Variants in ARHGAP26 observed in about 807,000 individuals in gnomAD.
ARHGAP26 encodes the protein rho GTPase-activating protein 26.
In ARHGAP26, 38 loss-of-function variants were observed where a neutral mutation model predicts 104.8. The ratio of observed to expected loss-of-function variants is 0.36; its 90% CI spans 0.28 to 0.48. The LOEUF is 0.48. Ranked by LOEUF, ARHGAP26 falls within the 20% of genes least tolerant of loss-of-function variation. The probability of loss-of-function intolerance (pLI) is 0.99; values close to 1 mark genes in which losing one functional copy is unlikely to be tolerated. For synonymous variants in ARHGAP26, 341 were observed against 340.0 expected, an observed-to-expected ratio of 1.00 and a Z score of -0.03; for missense variants, 704 against 947.9, an observed-to-expected ratio of 0.74 and a Z score of 3.38.
intron 1 of ARHGAP26, among the ~76,000 whole-genome samples, chr5:142,864,647 T>C (rs1203735723): frequency 6.6e-6 from 1 of 152,236 alleles, no homozygotes; most frequent in Non-Finnish European, 1.5e-5. Context: ...TGATTCTCCT[T>C]TCTCCAACCT....
At chr5:142,886,429 G>GA (rs1757710854) in intron 5 of ARHGAP26, among the ~76,000 whole-genome samples, 1 of 152,158 alleles carries the variant, frequency 6.6e-6, no homozygotes, top group African/African-American at 2.4e-5. Context: ...TCTTTGCTTT[G>GA]AAATAAGTAT....
intron 20 of ARHGAP26, among the ~76,000 whole-genome samples, chr5:143,162,986 A>G (rs1599310286): frequency 6.6e-6 from 1 of 152,134 alleles, no homozygotes; most frequent in African/African-American, 2.4e-5. Flanking sequence ...GTGTGGTGGT[A>G]TGCGCCTGTG....
In ARHGAP26 at chr5:142,890,148, AAAAATATATATATATATAT is replaced by A. The variant is rs1218375036; in HGVS notation, c.487-4088_487-4070del. Among the ~76,000 whole-genome samples the A allele has an allele frequency of 2.6e-3, 217 of 83,274 alleles. 11 individuals carry two copies. Among genetic ancestry groups the A allele is most frequent in the Middle Eastern group, 0.012 (2 of 170 alleles). The allele number at this position is 83,274 out of a possible 152,430, so 54.6% of individuals were successfully genotyped here. On this transcript the variant is annotated intron_variant, in intron 5 of 22. Coordinates refer to ENST00000645722, the MANE Select transcript of ARHGAP26 (RefSeq NM_001135608.3). ...CGAAACTCCGTCTTAAAAAAAAAAA[AAAAATATATATATATATAT>A]ATATATATATATATATATATATATA...
At chr5:143,174,040 T>C (rs1803142786) in intron 20 of ARHGAP26, among the ~76,000 whole-genome samples, 1 of 152,236 alleles carries the variant, frequency 6.6e-6, no homozygotes, top group African/African-American at 2.4e-5. Context: ...GACATCTGTT[T>C]CTTCCAATAG....
intron 22 of ARHGAP26, among the ~76,000 whole-genome samples, chr5:143,221,925 G>GAAGGA (rs1237816652): frequency 3.8e-4 from 31 of 82,388 alleles, no homozygotes; most frequent in South Asian, 1.0e-3. Flanking sequence ...TGGATGGATG[G>GAAGGA]AAGGAAGGAA....
intron 20 of ARHGAP26, chr5:143,194,239 C>T (rs957075152): frequency 1.3e-5 from 2 of 152,188 alleles, no homozygotes; most frequent in Admixed American, 1.3e-4. Flanking sequence ...GCTCTTCATT[C>T]AACAACATTC....
chr5:143,226,645 G>A lies in ARHGAP26; in HGVS notation c.*4199G>A, dbSNP rs910226274. On this transcript the variant is annotated 3_prime_UTR_variant, in exon 23 of 23. Coordinates refer to ENST00000645722, the MANE Select transcript of ARHGAP26 (RefSeq NM_001135608.3). The stretch of plus-strand genomic sequence containing the variant: ...ATAGGGATGGACCCTGTGCATTGTG[G>A]CCTGCCTTGGTGTCCTAGAATTGGA... The A allele has an allele frequency of 3.7e-5, 8 of 216,824 alleles. No homozygotes were observed. The Admixed American group carries it at 4.1e-4, about 11-fold the overall frequency. 13.4% of individuals were successfully genotyped at this position (216,824 alleles called of 1,614,324 possible). A position where few individuals can be genotyped will look rare whatever the true frequency, so the allele number is the denominator to read the frequency against.
intron 17 of ARHGAP26, among the ~76,000 whole-genome samples, chr5:143,103,870 G>A (rs1372794260): frequency 1.3e-5 from 2 of 151,956 alleles, no homozygotes; most frequent in Non-Finnish European, 2.9e-5. Flanking sequence ...TGCAGCAAAC[G>A]ACCATGGCAC....
intron 17 of ARHGAP26, among the ~76,000 whole-genome samples, chr5:143,069,277 G>A (rs1787929845): frequency 6.6e-6 from 1 of 151,974 alleles, no homozygotes; most frequent in Non-Finnish European, 1.5e-5. Context: ...TAAGCTCCAC[G>A]AGGTTGGCAA....
At chr5:143,219,270 G>T (rs1314504567) in intron 22 of ARHGAP26, among the ~76,000 whole-genome samples, 1 of 152,158 alleles carries the variant, frequency 6.6e-6, no homozygotes, top group Non-Finnish European at 1.5e-5. Flanking sequence ...AATAATACAA[G>T]CTGGGATCCT....
chr5:143,115,809 G>T (rs929824406), intron 17 of ARHGAP26, among the ~76,000 whole-genome samples: 7 of 152,188 alleles, frequency 4.6e-5, no homozygotes, highest in Non-Finnish European at 8.8e-5. Flanking sequence ...CAGGTGACTT[G>T]CCTGCTGCCA....
chr5:142,863,179 C>T lies in ARHGAP26; in HGVS notation c.155-10221C>T, dbSNP rs1374141402. ...AGGCTGGAGTGCTATGGCACGATCT[C>T]GGCTCACTGCAAGCCCCGCCTCCTG... On this transcript the variant is annotated intron_variant, in intron 1 of 22. Transcript: ENST00000645722. Among the ~76,000 whole-genome samples the T allele has an allele frequency of 2.6e-5, 4 of 151,142 alleles. No homozygotes were observed. The East Asian group carries it at 5.8e-4, about 22-fold the overall frequency.
At chr5:143,184,092 TG>T (rs1229279722) in intron 20 of ARHGAP26, among the ~76,000 whole-genome samples, 3 of 152,222 alleles carry the variant, frequency 2.0e-5, no homozygotes, top group Non-Finnish European at 2.9e-5. Context: ...GCAGTGTATG[TG>T]TGCAAATGCT....
intron 20 of ARHGAP26, among the ~76,000 whole-genome samples, chr5:143,183,562 C>A (rs1490706657): frequency 6.6e-6 from 1 of 152,178 alleles, no homozygotes; most frequent in Non-Finnish European, 1.5e-5. Flanking sequence ...CATCCTGTGC[C>A]GGGGAGCAGC....
At chr5:143,043,832 A>T (rs1467175653) in intron 14 of ARHGAP26, among the ~76,000 whole-genome samples, 2 of 152,244 alleles carry the variant, frequency 1.3e-5, no homozygotes, top group African/African-American at 4.8e-5. Flanking sequence ...ATTCATGCTT[A>T]ATCTGTGCTG....
At chr5:143,207,168 G>A in intron 20 of ARHGAP26, 30 bp from the exon 21 acceptor site, 1 of 1,604,484 alleles carries the variant, frequency 6.2e-7, no homozygotes, top group Non-Finnish European at 8.5e-7. Context: ...CCTGTGTGCT[G>A]ACAAGTTTTC....
chr5:142,780,823 T>A (rs932565089), intron 1 of ARHGAP26, among the ~76,000 whole-genome samples: 1 of 152,160 alleles, frequency 6.6e-6, no homozygotes, highest in Non-Finnish European at 1.5e-5. Flanking sequence ...ACGTTGCCTA[T>A]CATAGAAGCT....
intron 11 of ARHGAP26, among the ~76,000 whole-genome samples, chr5:142,985,886 T>G (rs1774643083): frequency 6.6e-6 from 1 of 152,134 alleles, no homozygotes. Context: ...TGTGCCACAT[T>G]TTTTAAATCC....
intron 17 of ARHGAP26, among the ~76,000 whole-genome samples, chr5:143,094,834 G>A (rs900486266): frequency 6.6e-6 from 1 of 152,150 alleles, no homozygotes; most frequent in Non-Finnish European, 1.5e-5. Context: ...ATGAGTCAGG[G>A]TGGAGCAGGT....
Sources: allele counts gnomAD v4.1 joint callset (sites outside exome capture counted in the v4.1 genomes callset), GRCh38; gene constraint gnomAD v4.1.1; transcripts MANE v1.5; gene names NCBI Gene and HGNC (gene_info 2026-07-23, HGNC 2026-07-21).